Variants in NUP85 observed in about 807,000 individuals in gnomAD.
The protein encoded by NUP85 is nuclear pore complex protein Nup85.
NUP85 carries 23 observed loss-of-function variants against 92.8 expected under a neutral mutation model. The observed-to-expected ratio is 0.25, with a 90% CI of 0.18 to 0.35. The LOEUF is 0.35. NUP85 is among the 10% of genes least tolerant of loss of function. The pLI is 1.00. For missense variants in NUP85, 759 were observed against 822.8 expected (o/e 0.92, Z 0.95); for synonymous variants, 314 against 306.9 (o/e 1.02, Z -0.24).
intron 10 of NUP85, 27 bp downstream of exon 10, chr17:75,225,856 T>A: frequency 6.5e-7 from 1 of 1,549,614 alleles, no homozygotes. Flanking sequence ...TGGGCAAGGG[T>A]GGGGGTAGGA....
chr17:75,235,058 C>A, intron 17 of NUP85, 42 bp from the exon 18 acceptor site: 1 of 1,522,218 alleles, frequency 6.6e-7, no homozygotes, highest in African/African-American at 1.4e-5. Context: ...CAATGCAGGC[C>A]AGGGCTGGGG....
In NUP85 at chr17:75,234,632, C is replaced by T; in HGVS notation, c.1616-5C>T. On this transcript the variant is annotated splice_polypyrimidine_tract_variant and splice_region_variant and intron_variant, in intron 16 of 18. Transcript: ENST00000245544. ...AGGTTACTCAGTGCTCTTGTTTCGC[C>T]ATAGGAAAGTATCGCGAGTTCCACC... 1 of 1,613,894 alleles carries T rather than the reference C, an allele frequency of 6.2e-7. No individual in the cohort carries two copies. Among genetic ancestry groups the T allele is most frequent in the East Asian group, 2.2e-5 (1 of 44,866 alleles).
chr17:75,224,889 A>C (rs1019726139), intron 7 of NUP85, among the ~76,000 whole-genome samples: 1 of 152,138 alleles, frequency 6.6e-6, no homozygotes, highest in Non-Finnish European at 1.5e-5. Context: ...TGTTTGAAAA[A>C]CATAGTGGAG....
chr17:75,231,529 A>G lies in NUP85; in HGVS notation c.1179-44A>G. 1 of 1,612,336 alleles carries G rather than the reference A, an allele frequency of 6.2e-7. No individual in the cohort carries two copies. Among genetic ancestry groups the G allele is most frequent in the South Asian group, 1.1e-5 (1 of 91,038 alleles). On this transcript the variant is annotated intron_variant, in intron 12 of 18. Transcript: ENST00000245544. This position sits in a 1 kb window ranked among gnomAD's most constrained non-coding sequence, Gnocchi z 4.6. ...AGGTTGGGCTAAGGGGGCCCTGAAC[A>G]GGGCAGGCCAGGAGTCTTGGTCTTT...
chr17:75,209,486 C>T (rs1396460940), intron 2 of NUP85, among the ~76,000 whole-genome samples: 3 of 146,966 alleles, frequency 2.0e-5, no homozygotes, highest in African/African-American at 2.5e-5. Flanking sequence ...TCGCTCTGTC[C>T]AGGCTGGAAT....
Position 75,235,106 on chromosome 17 carries a change from T to C in NUP85, c.1774T>C (p.Phe592Leu), listed in dbSNP as rs2076281027. ...GGCAGGCTCTCTTCCCTAGGTGATT[T>C]TCTCAGCAGAACAGACTTATGAGTT... ...LPLLEQKQVI[F>L]SAEQTYELMR... Residue 592 changes from phenylalanine to leucine, a missense_variant, in exon 18 of 19, where the codon TTC becomes CTC. Transcript: ENST00000245544. 1.2e-6 allele frequency: 2 copies of C among 1,613,544 alleles called. No individual in the cohort carries two copies. The highest frequency in any genetic ancestry group is 1.7e-5 in the Admixed American group (1 of 59,956).
rs1025589271 is a variant in NUP85, at chr17:75,231,057, G to A, written c.1095-283G>A. On this transcript the variant is annotated intron_variant, in intron 11 of 18. Transcript: ENST00000245544. The surrounding 1 kb of genome is among the most constrained non-coding windows in gnomAD (Gnocchi z 4.6). ...AGCAATACTCCCACCCCAGCTTCTC[G>A]AGTAGCTGGGATTACAGGTGTGTGC... 17 of 368,138 alleles carry A rather than the reference G, an allele frequency of 4.6e-5. No individual in the cohort carries two copies. The highest frequency in any genetic ancestry group is 1.7e-4 in the Admixed American group (4 of 23,714). 22.8% of individuals were successfully genotyped at this position (368,138 alleles called of 1,614,324 possible). A position where few individuals can be genotyped will look rare whatever the true frequency, so the allele number is the denominator to read the frequency against.
rs146778741 is a variant in NUP85 at position 75,209,917 on chromosome 17, A to G, written c.222A>G (p.Glu74=). 1.6e-4 allele frequency: 254 copies of G among 1,585,840 alleles called. No homozygotes were observed. Among genetic ancestry groups the G allele is most frequent in the Middle Eastern group, 8.3e-4 (5 of 6,014 alleles). The change falls in exon 3 of 19, where the codon GAA becomes GAG. Residue 74 remains glutamate (E), a synonymous_variant. Transcript: ENST00000245544. ...YSQILRKLFN[E]SHGIFLGLQR... is the part of the protein sequence containing the mutation. ...AAATCTTGAGAAAACTCTTCAATGAATCCCATGGAATCTTTCTGGGCCTCC... is the reference window on the plus strand; with the variant it reads ...AAATCTTGAGAAAACTCTTCAATGAGTCCCATGGAATCTTTCTGGGCCTCC...
At chr17:75,214,430 C>A (rs2145294648) in intron 5 of NUP85, among the ~76,000 whole-genome samples, 1 of 152,266 alleles carries the variant, frequency 6.6e-6, no homozygotes, top group East Asian at 1.9e-4. Flanking sequence ...ATAGACTGTT[C>A]CCCTAAACTT....
rs779830764 is a variant in NUP85 at position 75,215,767 on chromosome 17, C to T, written c.419C>T (p.Ser140Leu). ...TTTCTTCCTTAGGTCTCCATTTTGT[C>T]AGCAATGGAGCTCATCTGGAACCTG... The part of the protein sequence containing the change: ...RQFSSQVSIL[S>L]AMELIWNLCE... Residue 140 changes from serine to leucine, a missense_variant, in exon 6 of 19, where the codon TCA (serine) becomes TTA (leucine). Ser to Leu is a moderately radical substitution (Grantham distance 145). Transcript: ENST00000245544. The T allele has an allele frequency of 2.5e-6, 4 of 1,613,984 alleles. No individual in the cohort carries two copies. The highest frequency in any genetic ancestry group is 3.4e-6 in the Non-Finnish European group (4 of 1,179,840).
Position 75,205,747 on chromosome 17 carries a change from C to T in NUP85, c.-15C>T. 6.2e-7 allele frequency: 1 copy of T among 1,614,158 alleles called. No individual in the cohort carries two copies. The highest frequency in any genetic ancestry group is 8.5e-7 in the Non-Finnish European group (1 of 1,180,020). On this transcript the variant is annotated 5_prime_UTR_variant, in exon 1 of 19. Transcript: ENST00000245544. ...TGGCGTCCGAGCGACTTCTAGGAGCCTGGGGTTCGGCGCTATGGAGGAGCT... is the reference window on the plus strand; with the variant it reads ...TGGCGTCCGAGCGACTTCTAGGAGCTTGGGGTTCGGCGCTATGGAGGAGCT...
At chr17:75,209,513 G>C (rs1315462364) in intron 2 of NUP85, among the ~76,000 whole-genome samples, 1 of 147,064 alleles carries the variant, frequency 6.8e-6, no homozygotes, top group East Asian at 2.0e-4. Context: ...GTGTGATCTC[G>C]GCTCACTGCC....
intron 17 of NUP85, 103 bp downstream of exon 17, chr17:75,234,891 C>T (rs759372199): frequency 7.8e-6 from 11 of 1,413,032 alleles, no homozygotes; most frequent in Admixed American, 5.0e-5. Flanking sequence ...TGTCGTTCTG[C>T]CTGTGCGCGT....
In NUP85 at chr17:75,225,713, G is replaced by A. The variant is rs760124350; in HGVS notation, c.871G>A (p.Glu291Lys). ...ESLLKIMLGD[E>K]AALLEQKELL... ...CTCTCCTCAGATTATGCTGGGAGAC[G>A]AAGCTGCCTTGTTAGAGCAGAAGGA... The change falls in exon 10 of 19, where the codon GAA becomes AAA. Residue 291 changes from glutamate (E) to lysine (K), a missense_variant. Coordinates refer to ENST00000245544, the MANE Select transcript of NUP85 (RefSeq NM_024844.5). 15 of 1,614,072 alleles carry A rather than the reference G, an allele frequency of 9.3e-6. No homozygotes were observed. Among genetic ancestry groups the A allele is most frequent in the Middle Eastern group, 1.6e-4 (1 of 6,084 alleles).
chr17:75,234,904 A>C (rs780475181), intron 17 of NUP85, 116 bp downstream of exon 17: 1 of 1,312,554 alleles, frequency 7.6e-7, no homozygotes, highest in Admixed American at 1.7e-5. Flanking sequence ...GTGCGCGTGT[A>C]TTCCCCTTAG....
In NUP85 at chr17:75,218,225, C is replaced by T. The variant is rs2075489459; in HGVS notation, c.516C>T (p.Leu172=). The T allele has an allele frequency of 1.9e-6, 3 of 1,613,902 alleles. No homozygotes were observed. Among genetic ancestry groups the T allele is most frequent in the South Asian group, 2.2e-5 (2 of 91,080 alleles). The stretch of plus-strand genomic sequence containing the variant: ...TCCATCTCCTTGACTGGGTCCGGCT[C>T]CATGTGTGCGAGGTGGACAGTTTGT... The part of the protein sequence containing the change: ...LLLHLLDWVR[L]HVCEVDSLSA... Residue 172 remains leucine, a synonymous_variant, in exon 7 of 19, where the codon CTC becomes CTT. Transcript: ENST00000245544.
At chr17:75,232,026 CAG>C (rs757107602) in intron 14 of NUP85, 47 bp downstream of exon 14, 157 of 1,605,062 alleles carry the variant, frequency 9.8e-5, no homozygotes, top group African/African-American at 6.4e-4. Context: ...ACGCAGGAGT[CAG>C]GGGATCCTGA....
intron 7 of NUP85, among the ~76,000 whole-genome samples, chr17:75,218,694 C>T (rs1475641279): frequency 1.4e-5 from 2 of 141,228 alleles, no homozygotes; most frequent in African/African-American, 5.2e-5. Context: ...CTCTTGAGCC[C>T]AGGAGTTTGA....
intron 6 of NUP85, among the ~76,000 whole-genome samples, chr17:75,216,992 C>T (rs544461162): frequency 5.9e-5 from 9 of 152,214 alleles, no homozygotes; most frequent in African/African-American, 2.2e-4. Flanking sequence ...CTCAAGCGAT[C>T]CTCCTGTCTC....
Sources: gnomAD v4.1 joint callset for allele counts (sites outside exome capture counted in the v4.1 genomes callset) on GRCh38, gnomAD v4.1.1 for gene constraint, Gnocchi (gnomAD v3.1) non-coding constraint, MANE v1.5 for transcripts, NCBI Gene and HGNC (gene_info 2026-07-23, HGNC 2026-07-21) for gene names.